Variants in PSEN2 observed in about 807,000 individuals in gnomAD.
PSEN2 encodes the protein presenilin 2, also known as presenilin-2.
PSEN2 carries 32 observed loss-of-function variants against 49.1 expected under a neutral mutation model. The ratio of observed to expected loss-of-function variants is 0.65; its 90% CI spans 0.49 to 0.88. PSEN2 has a LOEUF of 0.88. Ranked by LOEUF, PSEN2 falls within the 40% of genes least tolerant of loss-of-function variation. PSEN2 has a pLI of 0.00. For synonymous variants in PSEN2, 255 were observed against 244.0 expected, an observed-to-expected ratio of 1.05 and a Z score of -0.42; for missense variants, 522 against 586.9, an observed-to-expected ratio of 0.89 and a Z score of 1.14.
chr1:226,895,278 C>T, intron 12 of PSEN2, 146 bp from the exon 13 acceptor site: 1 of 884,136 alleles, frequency 1.1e-6, no homozygotes, highest in Non-Finnish European at 1.8e-6. Flanking sequence ...AGAGCTGTTG[C>T]AGGACCAGGG....
chr1:226,882,078 A>G lies in PSEN2; in HGVS notation c.141+30A>G, dbSNP rs76655190. On this transcript the variant is annotated intron_variant, in intron 4 of 12. Transcript: ENST00000366783. ...GTCCCACCAGCAGCTGGGGGCCTTC[A>G]AACAGGTCCCTGCGGCTACTGTACC... 3,530 of 1,613,098 alleles carry G rather than the reference A, an allele frequency of 2.2e-3. 73 individuals carry two copies. The African/African-American group carries it at 0.041, about 19-fold the overall frequency.
chr1:226,890,053 G>A lies in PSEN2; in HGVS notation c.806G>A (p.Cys269Tyr). The A allele has an allele frequency of 6.2e-7, 1 of 1,613,914 alleles. No individual in the cohort carries two copies. The highest frequency in any genetic ancestry group is 8.5e-7 in the Non-Finnish European group (1 of 1,179,736). ...TTCCTAGATCTCGTGGCTGTGCTGT[G>A]TCCCAAAGGGCCTCTGAGAATGCTG... ...ISVYDLVAVL[C>Y]PKGPLRMLVE... is the part of the protein sequence containing the mutation. The change falls in exon 9 of 13, where the codon TGT (cysteine) becomes TAT (tyrosine). Residue 269 changes from cysteine to tyrosine, a missense_variant. Coordinates refer to ENST00000366783, the MANE Select transcript of PSEN2 (RefSeq NM_000447.3).
Position 226,873,889 on chromosome 1 carries a change from T to C in PSEN2, c.-206-1476T>C, listed in dbSNP as rs1055944059. On this transcript the variant is annotated intron_variant, in intron 2 of 12. Transcript: ENST00000366783. ...CTCATGGAAAAGCAGATTTGATGGC[T>C]GTGTAGAGCATTTGAATTATTTATC... Among the ~76,000 whole-genome samples, 3 of 152,312 alleles carry C rather than the reference T, an allele frequency of 2.0e-5. No individual in the cohort carries two copies. The South Asian group carries it at 6.2e-4, about 32-fold the overall frequency.
intron 6 of PSEN2, among the ~76,000 whole-genome samples, chr1:226,886,474 T>C (rs1159084547): frequency 1.3e-5 from 2 of 152,236 alleles, no homozygotes; most frequent in Admixed American, 6.5e-5. Flanking sequence ...GCCAGAATCA[T>C]GGGCACTGCC....
chr1:226,894,488 G>C (rs1326738552), intron 12 of PSEN2, among the ~76,000 whole-genome samples: 1 of 152,258 alleles, frequency 6.6e-6, no homozygotes, highest in Non-Finnish European at 1.5e-5. Context: ...AATTGCTTAA[G>C]GGCCTTGCCC....
chr1:226,874,046 G>A (rs1336114299), intron 2 of PSEN2, among the ~76,000 whole-genome samples: 1 of 152,200 alleles, frequency 6.6e-6, no homozygotes, highest in African/African-American at 2.4e-5. Flanking sequence ...AAGTAGCAGA[G>A]GGAGAGCAGA....
At position 226,893,997 on chromosome 1, in the gene PSEN2, C is replaced by G. The variant is rs201191318; in HGVS notation, c.1073-10C>G. ...CTCTTCAGTACGGGTTACTGTCTCTCCTCACACAGGGGGCGTGAAGCTTGG... is the reference window on the plus strand; with the variant it reads ...CTCTTCAGTACGGGTTACTGTCTCTGCTCACACAGGGGGCGTGAAGCTTGG... On this transcript the variant is annotated splice_polypyrimidine_tract_variant and intron_variant, in intron 11 of 12. Transcript: ENST00000366783. 37 of 1,608,106 alleles carry G rather than the reference C, an allele frequency of 2.3e-5. No individual in the cohort carries two copies. The highest frequency in any genetic ancestry group is 3.1e-5 in the Non-Finnish European group (36 of 1,174,574).
At chr1:226,874,415 T>C (rs570360751) in intron 2 of PSEN2, among the ~76,000 whole-genome samples, 1 of 152,316 alleles carries the variant, frequency 6.6e-6, no homozygotes, top group East Asian at 1.9e-4. Flanking sequence ...CTAGGTGGCG[T>C]TGATGGCCTT....
chr1:226,899,941 G>A (rs962426766), downstream of PSEN2, among the ~76,000 whole-genome samples: 6 of 152,116 alleles, frequency 3.9e-5, no homozygotes, highest in African/African-American at 1.2e-4. Context: ...TTAGTCCCAC[G>A]GCCATACCTG....
intron 11 of PSEN2, among the ~76,000 whole-genome samples, chr1:226,893,283 C>G (rs142445855): frequency 6.6e-6 from 1 of 152,220 alleles, no homozygotes; most frequent in East Asian, 1.9e-4. Context: ...AATGAAGAGA[C>G]AGTGAAGAAG....
Position 226,883,687 on chromosome 1 carries a change from C to T in PSEN2, c.142-18C>T, listed in dbSNP as rs369268719. The T allele has an allele frequency of 1.2e-5, 20 of 1,611,958 alleles. No homozygotes were observed. The highest frequency in any genetic ancestry group is 9.3e-5 in the African/African-American group (7 of 74,896). ...CGTGGGGGACATTCTGCGGCCCTCACGATGTGGTTTCCCACAGAGAAGCCA... is the reference window on the plus strand; with the variant it reads ...CGTGGGGGACATTCTGCGGCCCTCATGATGTGGTTTCCCACAGAGAAGCCA... On this transcript the variant is annotated intron_variant, in intron 4 of 12. Transcript: ENST00000366783.
At chr1:226,885,131 T>G (rs1571954041) in intron 5 of PSEN2, among the ~76,000 whole-genome samples, 1 of 132,742 alleles carries the variant, frequency 7.5e-6, no homozygotes. Context: ...CTTCAGCGGA[T>G]GGGGGTCGGG....
intron 12 of PSEN2, 28 bp downstream of exon 12, chr1:226,894,153 C>T (rs1259435073): frequency 1.9e-6 from 3 of 1,585,344 alleles, no homozygotes; most frequent in African/African-American, 1.3e-5. Context: ...CGTCCAGCTG[C>T]CTCGTGGTGG....
chr1:226,897,693 A>G (rs114893547), downstream of PSEN2: 857 of 155,602 alleles, frequency 5.5e-3, 6 homozygotes, highest in Middle Eastern at 0.03. Context: ...TAACCCGTCA[A>G]CTAATATCTT....
At chr1:226,887,594 C>G (rs1324359159) in intron 6 of PSEN2, among the ~76,000 whole-genome samples, 3 of 152,160 alleles carry the variant, frequency 2.0e-5, no homozygotes, top group Admixed American at 6.5e-5. Context: ...GTTGAGGCCA[C>G]TCTATCTAAA....
intron 6 of PSEN2, among the ~76,000 whole-genome samples, chr1:226,887,558 G>A (rs1161081746): frequency 3.3e-5 from 5 of 152,168 alleles, no homozygotes; most frequent in Non-Finnish European, 7.3e-5. Flanking sequence ...AGACCTTTGG[G>A]TAGGAGGGGA....
intron 3 of PSEN2, among the ~76,000 whole-genome samples, chr1:226,878,135 A>G (rs1293549212): frequency 6.6e-6 from 1 of 150,976 alleles, no homozygotes; most frequent in Non-Finnish European, 1.5e-5. Flanking sequence ...GCTGAAGTGC[A>G]GTGGTGCGAT....
downstream of PSEN2, among the ~76,000 whole-genome samples, chr1:226,899,841 T>C (rs771665122): frequency 1.6e-4 from 25 of 152,140 alleles, no homozygotes; most frequent in Non-Finnish European, 3.2e-4. Context: ...CCATCCAGCA[T>C]GAAAGGAGGT....
chr1:226,883,816 G>C lies in PSEN2; in HGVS notation c.253G>C (p.Ala85Pro), dbSNP rs1661159459. 6.2e-7 allele frequency: 1 copy of C among 1,614,188 alleles called. No individual in the cohort carries two copies. Among genetic ancestry groups the C allele is most frequent in the Non-Finnish European group, 8.5e-7 (1 of 1,180,026 alleles). Residue 85 changes from alanine to proline, a missense_variant, in exon 5 of 13, where the codon GCG becomes CCG. By Grantham distance (27) the Ala-to-Pro change is conservative. Coordinates refer to ENST00000366783, the MANE Select transcript of PSEN2 (RefSeq NM_000447.3). ...GGAAGAGCTGACCCTCAAATACGGA[G>C]CGAAGCACGTGATCATGCTGTTTGT... The part of the protein sequence containing the change: ...LEEELTLKYG[A>P]KHVIMLFVPV...
Sources: gnomAD v4.1 joint callset for allele counts (sites outside exome capture counted in the v4.1 genomes callset) on GRCh38, gnomAD v4.1.1 for gene constraint, MANE v1.5 for transcripts, NCBI Gene and HGNC (gene_info 2026-07-23, HGNC 2026-07-21) for gene names.